The following RIMS1 variants were observed in gnomAD, a reference collection of about 807,000 sequenced individuals.
RIMS1 encodes the protein regulating synaptic membrane exocytosis protein 1.
RIMS1 carries 83 observed loss-of-function variants against 214.1 expected under a neutral mutation model. The ratio of observed to expected loss-of-function variants is 0.39; its 90% confidence interval spans 0.32 to 0.47. The LOEUF (loss-of-function observed/expected upper bound fraction) is 0.47, where lower values mean the gene tolerates loss of function less well. Ranked by LOEUF, RIMS1 falls within the 20% of genes least tolerant of loss-of-function variation. RIMS1 has a pLI of 0.99. For synonymous variants in RIMS1, 793 were observed against 786.8 expected, an observed-to-expected ratio of 1.01 and a Z score of -0.13; for missense variants, 2,050 against 2,161.8, an observed-to-expected ratio of 0.95 and a Z score of 1.03.
intron 1 of RIMS1, among the ~76,000 whole-genome samples, chr6:71,964,560 G>A (rs1328864282): frequency 6.6e-6 from 1 of 152,142 alleles, no homozygotes; most frequent in Non-Finnish European, 1.5e-5. Flanking sequence ...GTCCAGTCTG[G>A]TATTAGGACA....
intron 4 of RIMS1, among the ~76,000 whole-genome samples, chr6:72,103,757 A>T (rs1357433309): frequency 6.6e-6 from 1 of 152,176 alleles, no homozygotes; most frequent in Non-Finnish European, 1.5e-5. Context: ...GCAGCTGCAT[A>T]GCAATAAATG....
At chr6:72,198,689 T>A (rs1439093646) in intron 6 of RIMS1, among the ~76,000 whole-genome samples, 3 of 151,838 alleles carry the variant, frequency 2.0e-5, no homozygotes, top group East Asian at 3.9e-4. Flanking sequence ...AAACAATAAA[T>A]ACGTGAGATA....
intron 7 of RIMS1, among the ~76,000 whole-genome samples, chr6:72,234,618 A>G (rs950942290): frequency 6.6e-6 from 1 of 152,014 alleles, no homozygotes; most frequent in African/African-American, 2.4e-5. Context: ...CATGTTATAC[A>G]TTCTGTGGTT....
chr6:72,176,884 TTAA>T (rs1281372583), intron 4 of RIMS1, among the ~76,000 whole-genome samples: 1 of 152,214 alleles, frequency 6.6e-6, no homozygotes, highest in Non-Finnish European at 1.5e-5. Context: ...TTCAACTTAT[TTAA>T]TAATAATAAA....
intron 4 of RIMS1, among the ~76,000 whole-genome samples, chr6:72,139,524 G>A (rs1441414086): frequency 2.0e-5 from 3 of 152,090 alleles, no homozygotes; most frequent in Non-Finnish European, 2.9e-5. Context: ...TATATTGTCA[G>A]TGTATCTGCT....
chr6:72,012,518 G>C (rs1811137019), intron 2 of RIMS1, among the ~76,000 whole-genome samples: 1 of 151,894 alleles, frequency 6.6e-6, no homozygotes, highest in Non-Finnish European at 1.5e-5. Flanking sequence ...AAACTTGAAG[G>C]ATTAATAACT....
At chr6:72,264,801 T>A (rs2079661710) in intron 19 of RIMS1, among the ~76,000 whole-genome samples, 174 bp from the exon 20 acceptor site, 1 of 152,178 alleles carries the variant, frequency 6.6e-6, no homozygotes, top group Non-Finnish European at 1.5e-5. Context: ...TATGATTTCA[T>A]ATTTTAATAA....
chr6:72,143,392 G>A (rs2042313859), intron 4 of RIMS1, among the ~76,000 whole-genome samples: 1 of 152,138 alleles, frequency 6.6e-6, no homozygotes, highest in Admixed American at 6.5e-5. Flanking sequence ...ATTACTTAAT[G>A]AGAGCTGGGC....
chr6:72,029,375 A>C (rs928185886), intron 2 of RIMS1, among the ~76,000 whole-genome samples: 4 of 152,124 alleles, frequency 2.6e-5, no homozygotes, highest in Admixed American at 2.0e-4. Flanking sequence ...ATATGTTGAA[A>C]CTTCATTGCC....
At chr6:72,359,982 A>C (rs1394430829) in intron 29 of RIMS1, among the ~76,000 whole-genome samples, 2 of 152,324 alleles carry the variant, frequency 1.3e-5, no homozygotes, top group African/African-American at 2.4e-5. Flanking sequence ...AAAATGCAAT[A>C]GTTTTCATAG....
chr6:72,300,748 C>T (rs772106427), intron 26 of RIMS1, among the ~76,000 whole-genome samples: 2 of 151,762 alleles, frequency 1.3e-5, no homozygotes, highest in Non-Finnish European at 1.5e-5. Flanking sequence ...GACTTTCTTA[C>T]TTGCCAATGA....
At chr6:72,093,989 C>T (rs1025899221) in intron 2 of RIMS1, among the ~76,000 whole-genome samples, 25 of 152,112 alleles carry the variant, frequency 1.6e-4, no homozygotes, top group African/African-American at 5.8e-4. Flanking sequence ...TGAGAATTTG[C>T]ATACTTTCCA....
intron 29 of RIMS1, among the ~76,000 whole-genome samples, chr6:72,341,456 A>T (rs191346873): frequency 1.7e-3 from 252 of 151,976 alleles, no homozygotes; most frequent in Admixed American, 3.0e-3. Flanking sequence ...AACTGAGACT[A>T]TGATTTCTAA....
intron 2 of RIMS1, among the ~76,000 whole-genome samples, chr6:72,038,118 A>AAAAATATATAT (rs1820399900): frequency 7.5e-5 from 1 of 13,418 alleles, no homozygotes; most frequent in Non-Finnish European, 1.2e-4. Flanking sequence ...AAAAAAAAAA[A>AAAAATATATAT]ATATATATAT....
At chr6:71,946,145 G>A (rs566158501) in intron 1 of RIMS1, among the ~76,000 whole-genome samples, 6 of 152,248 alleles carry the variant, frequency 3.9e-5, no homozygotes, top group African/African-American at 1.4e-4. Flanking sequence ...AAATTATAAA[G>A]CATTAATCTA....
chr6:72,217,305 A>G, intron 6 of RIMS1: 1 of 1,393,238 alleles, frequency 7.2e-7, no homozygotes. Context: ...TTGTTTAATT[A>G]TCCAAAAGAG....
chr6:72,208,592 C>A (rs1294322507), intron 6 of RIMS1, among the ~76,000 whole-genome samples: 2 of 152,152 alleles, frequency 1.3e-5, no homozygotes, highest in African/African-American at 2.4e-5. Context: ...AAATTGTCAA[C>A]TTCTGATTAT....
At chr6:71,890,304 C>T (rs375367037) in intron 1 of RIMS1, among the ~76,000 whole-genome samples, 25 of 136,028 alleles carry the variant, frequency 1.8e-4, no homozygotes, top group African/African-American at 6.7e-4. Context: ...GGCCATATAA[C>T]TGGAAATAGT....
At chr6:71,913,602 G>A (rs1165330359) in intron 1 of RIMS1, among the ~76,000 whole-genome samples, 1 of 152,080 alleles carries the variant, frequency 6.6e-6, no homozygotes, top group Non-Finnish European at 1.5e-5. Flanking sequence ...ACTATTCATA[G>A]GAGCTTAGAA....
Sources: allele counts gnomAD v4.1 joint callset (sites outside exome capture counted in the v4.1 genomes callset), GRCh38; gene constraint gnomAD v4.1.1; transcripts MANE v1.5; gene names NCBI Gene and HGNC (gene_info 2026-07-23, HGNC 2026-07-21).